Variants in GRAMD1C observed in about 807,000 individuals in gnomAD.
The protein encoded by GRAMD1C is GRAM domain containing 1C.
Under a neutral mutation model 97.8 loss-of-function variants are expected in GRAMD1C, and 89 were observed. The observed-to-expected ratio is 0.91, with a 90% CI of 0.77 to 1.09. The LOEUF is 1.09. Ranked by LOEUF, GRAMD1C falls within the 50% of genes least tolerant of loss-of-function variation. The pLI is 0.00. For synonymous variants in GRAMD1C, 256 were observed against 267.0 expected (o/e 0.96, Z 0.40); for missense variants, 740 against 766.4 (o/e 0.97, Z 0.41).
Position 113,936,251 on chromosome 3 carries a change from T to C in GRAMD1C, c.1457-15T>C. On this transcript the variant is annotated splice_polypyrimidine_tract_variant and intron_variant, in intron 13 of 17. Transcript: ENST00000358160. ...GCTTTCCTCACTATATAAAGATTGT[T>C]TTTTTTTTTCTTAGAATCAGATTTG... The C allele has an allele frequency of 1.4e-6, 2 of 1,474,110 alleles. No individual in the cohort carries two copies. The highest frequency in any genetic ancestry group is 1.9e-6 in the Non-Finnish European group (2 of 1,070,674). 91.3% of individuals were successfully genotyped at this position (1,474,110 alleles called of 1,614,324 possible). A position where few individuals can be genotyped will look rare whatever the true frequency, so the allele number is the denominator to read the frequency against.
At chr3:113,862,937 A>G (rs1423770036) in intron 2 of GRAMD1C, among the ~76,000 whole-genome samples, 1 of 152,094 alleles carries the variant, frequency 6.6e-6, no homozygotes, top group Non-Finnish European at 1.5e-5. Flanking sequence ...AAAGATAGAG[A>G]TTAGATTTGG....
intron 2 of GRAMD1C, among the ~76,000 whole-genome samples, chr3:113,849,011 TAAAAC>T (rs1250075423): frequency 3.3e-5 from 5 of 151,800 alleles, no homozygotes; most frequent in African/African-American, 7.3e-5. Context: ...AAAAAACTCT[TAAAAC>T]AAAAGACTTA....
Position 113,896,262 on chromosome 3 carries a change from A to G in GRAMD1C, c.541-4769A>G, listed in dbSNP as rs1019933239. On this transcript the variant is annotated intron_variant, in intron 6 of 17. Coordinates refer to ENST00000358160, the MANE Select transcript of GRAMD1C (RefSeq NM_017577.5). ...TTTCGGCAGCGTTAGATACCACTGT[A>G]TACTCCCTCTATTTTGAAATACTTT... 7.9e-5 allele frequency among the ~76,000 whole-genome samples: 12 copies of G among 152,238 alleles called. No individual in the cohort carries two copies. In the East Asian group the frequency reaches 1.9e-3, roughly 25 times the overall value.
intron 5 of GRAMD1C, 96 bp downstream of exon 5, chr3:113,876,356 A>G (rs2107385790): frequency 1.5e-6 from 1 of 682,926 alleles, no homozygotes; most frequent in East Asian, 2.6e-5. Flanking sequence ...TTCTTCCTGG[A>G]GTTAGGAATA....
At chr3:113,945,043 G>C (rs554590535) in intron 17 of GRAMD1C, among the ~76,000 whole-genome samples, 4 of 152,316 alleles carry the variant, frequency 2.6e-5, no homozygotes, top group African/African-American at 9.6e-5. Flanking sequence ...GCATGCAAAG[G>C]CACTGAAGCA....
chr3:113,914,785 T>A (rs1197357010), intron 9 of GRAMD1C, among the ~76,000 whole-genome samples: 1 of 152,110 alleles, frequency 6.6e-6, no homozygotes, highest in African/African-American at 2.4e-5. Context: ...GGGTTCAAAT[T>A]CCAGGTCAGT....
chr3:113,879,162 G>A (rs1264095386), intron 5 of GRAMD1C, among the ~76,000 whole-genome samples: 5 of 151,114 alleles, frequency 3.3e-5, no homozygotes, highest in Admixed American at 6.6e-5. Context: ...TCGAGACCGC[G>A]CCACTGCACT....
At chr3:113,861,324 G>T (rs1934366445) in intron 2 of GRAMD1C, among the ~76,000 whole-genome samples, 1 of 152,268 alleles carries the variant, frequency 6.6e-6, no homozygotes, top group South Asian at 2.1e-4. Context: ...AGTGACAGGA[G>T]AAAAAATAGA....
chr3:113,912,187 G>T (rs986032858), intron 9 of GRAMD1C, among the ~76,000 whole-genome samples: 1 of 152,052 alleles, frequency 6.6e-6, no homozygotes, highest in Non-Finnish European at 1.5e-5. Flanking sequence ...GAGAGGCTGG[G>T]AATTACCCTA....
At chr3:113,882,448 G>C (rs1280509522) in intron 5 of GRAMD1C, among the ~76,000 whole-genome samples, 1 of 151,860 alleles carries the variant, frequency 6.6e-6, no homozygotes, top group African/African-American at 2.4e-5. Flanking sequence ...ATTTTATTTA[G>C]ATTGATTTCC....
At chr3:113,875,141 T>G (rs1469732004) in intron 3 of GRAMD1C, among the ~76,000 whole-genome samples, 3 of 152,066 alleles carry the variant, frequency 2.0e-5, no homozygotes, top group East Asian at 1.9e-4. Context: ...AGATCAGTTT[T>G]TTTTAGGAGA....
chr3:113,848,961 T>TA (rs1305980449), intron 2 of GRAMD1C, among the ~76,000 whole-genome samples: 1 of 138,518 alleles, frequency 7.2e-6, no homozygotes, highest in South Asian at 2.5e-4. Context: ...ATTAACTTAG[T>TA]AAAAAAATAT....
At chr3:113,871,760 A>AAC (rs1304319270) in intron 3 of GRAMD1C, among the ~76,000 whole-genome samples, 1 of 149,220 alleles carries the variant, frequency 6.7e-6, no homozygotes, top group African/African-American at 2.5e-5. Flanking sequence ...AAAAAAAAAA[A>AAC]AAAAAACAAC....
intron 10 of GRAMD1C, chr3:113,919,367 G>T: frequency 4.0e-6 from 2 of 499,138 alleles, no homozygotes; most frequent in East Asian, 5.8e-5. Flanking sequence ...ATCTGTTTCA[G>T]GGAAGGTAAA....
chr3:113,830,131 C>T (rs576873626), intron 1 of GRAMD1C, among the ~76,000 whole-genome samples: 11 of 152,170 alleles, frequency 7.2e-5, no homozygotes, highest in South Asian at 6.2e-4. Flanking sequence ...GCATAGCACA[C>T]GAAGAACTGG....
chr3:113,889,199 T>TA (rs113643968), intron 6 of GRAMD1C, among the ~76,000 whole-genome samples: 118,546 of 151,114 alleles, frequency 0.78, 46,629 homozygotes, highest in Middle Eastern at 0.88. Flanking sequence ...AAACTCCTTC[T>TA]AAAAAAAAAC....
intron 2 of GRAMD1C, among the ~76,000 whole-genome samples, chr3:113,855,021 G>A (rs964329743): frequency 6.6e-6 from 1 of 152,134 alleles, no homozygotes; most frequent in Non-Finnish European, 1.5e-5. Context: ...CATAAAAACA[G>A]TGACACTGAG....
chr3:113,939,649 A>C lies in GRAMD1C; in HGVS notation c.1692-237A>C, dbSNP rs112934478. The C allele has an allele frequency of 1.7e-3, 610 of 361,182 alleles. 5 individuals are homozygous for C. The highest frequency in any genetic ancestry group is 0.012 in the African/African-American group (581 of 46,632). The allele number at this position is 361,182 out of a possible 1,614,324, so 22.4% of individuals were successfully genotyped here. On this transcript the variant is annotated intron_variant, in intron 15 of 17. Transcript: ENST00000358160. ...AGATACCCCAAACCTGTGAGTTCGG[A>C]TTATTCAAGGACTTGTATTGTCACT... is the stretch of plus-strand genomic sequence containing the variant.
At chr3:113,906,128 A>G (rs765791743) in intron 8 of GRAMD1C, among the ~76,000 whole-genome samples, 8 of 152,234 alleles carry the variant, frequency 5.3e-5, no homozygotes, top group Non-Finnish European at 8.8e-5. Context: ...TGCCAGGCCT[A>G]TAAAGGTATA....
Sources: gnomAD v4.1 joint callset for allele counts (sites outside exome capture counted in the v4.1 genomes callset) on GRCh38, gnomAD v4.1.1 for gene constraint, MANE v1.5 for transcripts, NCBI Gene and HGNC (gene_info 2026-07-23, HGNC 2026-07-21) for gene names.